Variants in SLC10A7 observed in about 807,000 individuals in gnomAD.
SLC10A7 encodes sodium/bile acid cotransporter 7.
A neutral mutation model predicts 43.2 loss-of-function variants in SLC10A7; 29 were observed. The ratio of observed to expected loss-of-function variants is 0.67; its 90% confidence interval spans 0.50 to 0.92. SLC10A7 has a LOEUF of 0.92. Among genes scored for constraint, SLC10A7 ranks in the 40% least tolerant of loss-of-function variants. The pLI is 0.00. For synonymous variants in SLC10A7, 152 were observed against 144.8 expected (o/e 1.05, Z -0.35); for missense variants, 295 against 403.2 (o/e 0.73, Z 2.30).
chr4:146,315,768 G>A (rs540612718), intron 6 of SLC10A7, among the ~76,000 whole-genome samples: 1 of 152,104 alleles, frequency 6.6e-6, no homozygotes, highest in African/African-American at 2.4e-5. Context: ...TACACAATAG[G>A]TTTCAATAAA....
At chr4:146,459,463 T>TGGACAGATAATGTGG (rs1317408864) in intron 4 of SLC10A7, among the ~76,000 whole-genome samples, 8 of 151,784 alleles carry the variant, frequency 5.3e-5, no homozygotes, top group Non-Finnish European at 7.4e-5. Context: ...TGGTACTGGC[T>TGGACAGATAATGTGG]TAAGGACAGA....
intron 5 of SLC10A7, among the ~76,000 whole-genome samples, chr4:146,434,314 G>A (rs6819042): frequency 0.79 from 120,271 of 152,100 alleles, 47,898 homozygotes; most frequent in South Asian, 0.89. Context: ...GCAGCTTTTT[G>A]AAAGTTATTT....
intron 5 of SLC10A7, among the ~76,000 whole-genome samples, chr4:146,338,123 G>A (rs938329892): frequency 6.6e-6 from 1 of 151,912 alleles, no homozygotes; most frequent in African/African-American, 2.4e-5. Flanking sequence ...TTTGCTGAAT[G>A]AAAGAACAAA....
At chr4:146,459,319 A>G (rs1285973966) in intron 4 of SLC10A7, among the ~76,000 whole-genome samples, 1 of 151,778 alleles carries the variant, frequency 6.6e-6, no homozygotes, top group East Asian at 1.9e-4. Context: ...GATTTTTAGT[A>G]GAAATTGACA....
At chr4:146,424,341 C>T (rs1255853878) in intron 5 of SLC10A7, among the ~76,000 whole-genome samples, 1 of 152,156 alleles carries the variant, frequency 6.6e-6, no homozygotes, top group Non-Finnish European at 1.5e-5. Flanking sequence ...TGTGAGCCAC[C>T]ATTCTTGTCT....
At chr4:146,297,754 A>G (rs1484094730) in intron 7 of SLC10A7, among the ~76,000 whole-genome samples, 1 of 152,222 alleles carries the variant, frequency 6.6e-6, no homozygotes, top group Admixed American at 6.5e-5. Flanking sequence ...CAATTTCTGT[A>G]ACACTTTATT....
intron 5 of SLC10A7, among the ~76,000 whole-genome samples, chr4:146,388,835 A>C (rs920142397): frequency 1.3e-5 from 2 of 152,144 alleles, no homozygotes; most frequent in African/African-American, 4.8e-5. Flanking sequence ...TGACATAGGC[A>C]AAGAATTCAT....
chr4:146,486,234 T>G (rs1249956398), intron 4 of SLC10A7, among the ~76,000 whole-genome samples: 2 of 152,214 alleles, frequency 1.3e-5, no homozygotes, highest in Non-Finnish European at 2.9e-5. Context: ...AATGATTAAT[T>G]TATTACCAAT....
In SLC10A7 at chr4:146,262,893, C is replaced by G. The variant is rs143641536; in HGVS notation, c.848-4056G>C. Among the ~76,000 whole-genome samples, 718 of 152,344 alleles carry G rather than the reference C, an allele frequency of 4.7e-3. 7 individuals are homozygous for G. Among genetic ancestry groups the G allele is most frequent in the African/African-American group, 0.016 (682 of 41,582 alleles). ...TGTCACATCACGCAGAAGTGTATCA[C>G]ACAGGAGAGATCCCTAAGTGTGGCA... On this transcript the variant is annotated intron_variant, in intron 10 of 11. Coordinates refer to ENST00000335472, the MANE Select transcript of SLC10A7 (RefSeq NM_001029998.6).
chr4:146,378,506 T>G (rs1382525064), intron 5 of SLC10A7, among the ~76,000 whole-genome samples: 2 of 152,130 alleles, frequency 1.3e-5, no homozygotes, highest in Non-Finnish European at 2.9e-5. Context: ...TGGAATGATT[T>G]CATGAATTTT....
intron 5 of SLC10A7, among the ~76,000 whole-genome samples, chr4:146,331,933 A>T (rs1733564052): frequency 6.6e-6 from 1 of 152,218 alleles, no homozygotes; most frequent in Admixed American, 6.5e-5. Flanking sequence ...TCTAAATTTC[A>T]ACAAAATGGT....
At chr4:146,310,233 C>T (rs968818768) in intron 6 of SLC10A7, among the ~76,000 whole-genome samples, 1 of 152,036 alleles carries the variant, frequency 6.6e-6, no homozygotes, top group South Asian at 2.1e-4. Context: ...TTGATGGTCA[C>T]TTAGGTTGAT....
intron 4 of SLC10A7, chr4:146,478,036 T>C (rs1734174277): frequency 6.6e-6 from 1 of 152,194 alleles, no homozygotes; most frequent in South Asian, 2.1e-4. Flanking sequence ...AAAACAGAAA[T>C]ATACTCACTA....
intron 9 of SLC10A7, among the ~76,000 whole-genome samples, chr4:146,285,918 G>A (rs1486642565): frequency 1.3e-5 from 2 of 151,638 alleles, no homozygotes; most frequent in Non-Finnish European, 2.9e-5. Context: ...GAAGGACTGA[G>A]TTTGGAGTGG....
intron 10 of SLC10A7, among the ~76,000 whole-genome samples, chr4:146,266,289 A>G (rs983021557): frequency 2.6e-5 from 4 of 152,280 alleles, no homozygotes; most frequent in African/African-American, 9.6e-5. Flanking sequence ...TTTAAAATTC[A>G]TTGGTATAGA....
At chr4:146,283,783 A>G (rs1729700643) in intron 9 of SLC10A7, among the ~76,000 whole-genome samples, 1 of 152,164 alleles carries the variant, frequency 6.6e-6, no homozygotes, top group Non-Finnish European at 1.5e-5. Context: ...ATGTCTTTAC[A>G]TGTAAAAGCA....
chr4:146,354,079 GA>G (rs900460401), intron 5 of SLC10A7, among the ~76,000 whole-genome samples: 1,525 of 147,836 alleles, frequency 0.01, 11 homozygotes, highest in Non-Finnish European at 0.016. Context: ...ATTCAATTAG[GA>G]AAAGAGGAAG....
chr4:146,474,033 C>T (rs1388595090), intron 4 of SLC10A7, among the ~76,000 whole-genome samples: 1 of 151,810 alleles, frequency 6.6e-6, no homozygotes, highest in Admixed American at 6.6e-5. Context: ...GGATTACTCC[C>T]ATACATGCCA....
intron 6 of SLC10A7, among the ~76,000 whole-genome samples, chr4:146,312,717 C>T (rs1002588930): frequency 1.3e-4 from 20 of 152,220 alleles, no homozygotes; most frequent in Middle Eastern, 6.8e-3. Flanking sequence ...AGCATAATGT[C>T]CTCCAGTTCA....
Sources: gnomAD v4.1 joint callset for allele counts (sites outside exome capture counted in the v4.1 genomes callset) on GRCh38, gnomAD v4.1.1 for gene constraint, MANE v1.5 for transcripts, NCBI Gene and HGNC (gene_info 2026-07-23, HGNC 2026-07-21) for gene names.